The following CCDC88A variants were observed in gnomAD, a reference collection of about 807,000 sequenced individuals.
CCDC88A encodes girdin.
A neutral mutation model predicts 234.3 loss-of-function variants in CCDC88A; 54 were observed. That is an observed-to-expected ratio of 0.23 (90% CI 0.19 to 0.29). The LOEUF (loss-of-function observed/expected upper bound fraction) is 0.29, where lower values mean the gene tolerates loss of function less well. CCDC88A is among the 10% of genes least tolerant of loss of function. The pLI is 1.00. For synonymous variants in CCDC88A, 753 were observed against 737.8 expected, an observed-to-expected ratio of 1.02 and a Z score of -0.33; for missense variants, 1,832 against 2,123.4, an observed-to-expected ratio of 0.86 and a Z score of 2.70.
At chr2:55,356,106 A>G (rs1445460505) in intron 7 of CCDC88A, 7 of 158,772 alleles carry the variant, frequency 4.4e-5, no homozygotes, top group African/African-American at 1.4e-4. Context: ...TCACCTAGGT[A>G]TTAAGCCCAG....
At position 55,343,906 on chromosome 2, in the gene CCDC88A, G is replaced by A. The variant is rs1042729329; in HGVS notation, c.1189-114C>T. 3 of 896,380 alleles carry A rather than the reference G, an allele frequency of 3.3e-6. No homozygotes were observed. In the South Asian group the frequency reaches 7.2e-5, roughly 21 times the overall value. The allele number at this position is 896,380 out of a possible 1,614,324, so 55.5% of individuals were successfully genotyped here. A position where few individuals can be genotyped will look rare whatever the true frequency, so the allele number is the denominator to read the frequency against. On this transcript the variant is annotated intron_variant, in intron 11 of 32. Transcript: ENST00000436346. ...ATCAGAAACTCAGTAATAATTATGA[G>A]TTCTTTAAATTTTTCAGTTTTGAAG...
chr2:55,303,214 A>G, intron 25 of CCDC88A, 62 bp from the exon 26 acceptor site: 2 of 955,228 alleles, frequency 2.1e-6, no homozygotes, highest in Non-Finnish European at 3.3e-6. Flanking sequence ...AGGGAGAAGA[A>G]CAGATGGGAG....
intron 15 of CCDC88A, among the ~76,000 whole-genome samples, chr2:55,333,269 G>A (rs574675466): frequency 3.9e-5 from 6 of 152,252 alleles, no homozygotes; most frequent in Admixed American, 3.3e-4. Context: ...CTTTTAAATT[G>A]AACTTAAAGG....
intron 5 of CCDC88A, among the ~76,000 whole-genome samples, chr2:55,369,908 C>G (rs971454815): frequency 1.6e-4 from 25 of 152,168 alleles, no homozygotes; most frequent in African/African-American, 6.0e-4. Flanking sequence ...CTTGTCTTCT[C>G]TAAAATTCAA....
At chr2:55,339,187 G>A (rs1029266542) in intron 13 of CCDC88A, 6 of 260,430 alleles carry the variant, frequency 2.3e-5, no homozygotes, top group East Asian at 8.5e-5. Context: ...ACAAACTCCC[G>A]ACCTCAGGTT....
At chr2:55,319,694 T>A (rs1214484586) in intron 18 of CCDC88A, among the ~76,000 whole-genome samples, 1 of 152,156 alleles carries the variant, frequency 6.6e-6, no homozygotes, top group Non-Finnish European at 1.5e-5. Flanking sequence ...AGGCCATATT[T>A]CAATTTTATA....
In CCDC88A at chr2:55,328,388, G is replaced by A; in HGVS notation, c.2903C>T (p.Ser968Phe). Residue 968 changes from serine (S) to phenylalanine (F), a missense_variant, in exon 17 of 33, where the codon TCT (serine) becomes TTT (phenylalanine). Ser to Phe is a radical substitution (Grantham distance 155, BLOSUM62 -2). Transcript: ENST00000436346. This position sits in a 1 kb window ranked among gnomAD's most constrained non-coding sequence, Gnocchi z 4.3. ...ESKLESTLKK[S>F]LEIKEEKIAA... ...AATTTTTTCTTCTTTTATTTCAAGA[G>A]ACTTCTTAAGAGTGGATTCTAATTT... The A allele has an allele frequency of 6.3e-7, 1 of 1,593,554 alleles. No homozygotes were observed. The highest frequency in any genetic ancestry group is 2.3e-5 in the East Asian group (1 of 44,230).
Position 55,335,123 on chromosome 2 carries a change from T to C in CCDC88A, c.1698A>G (p.Thr566=), listed in dbSNP as rs1157691622. The C allele has an allele frequency of 2.6e-6, 4 of 1,565,342 alleles. No homozygotes were observed. Among genetic ancestry groups the C allele is most frequent in the South Asian group, 1.2e-5 (1 of 80,684 alleles). Residue 566 remains threonine, a synonymous_variant, in exon 15 of 33, where the codon ACA becomes ACG. Transcript: ENST00000436346. This position sits in a 1 kb window ranked among gnomAD's most constrained non-coding sequence, Gnocchi z 4.5. ...GGGACCGCTGCCTTAAGGAAGACAC[T>C]GTTTGATTCAGATGTTCATTTTCCT... ...LEQENEHLNQ[T]VSSLRQRSQI...
chr2:55,398,866 C>CA (rs990748243), intron 2 of CCDC88A, among the ~76,000 whole-genome samples: 2,640 of 136,886 alleles, frequency 0.019, 77 homozygotes, highest in African/African-American at 0.066. Context: ...CCCTGCCTAA[C>CA]AAAAAAAAAA....
rs1294857464 is a variant in CCDC88A at position 55,334,849 on chromosome 2, T to C, written c.1972A>G (p.Ile658Val). Residue 658 changes from isoleucine to valine, a missense_variant, in exon 15 of 33, where the codon ATT becomes GTT. By Grantham distance (29) the Ile-to-Val change is conservative. Coordinates refer to ENST00000436346, the MANE Select transcript of CCDC88A (RefSeq NM_001365480.1). The surrounding 1 kb of genome is among the most constrained non-coding windows in gnomAD (Gnocchi z 6.1). ...ITNLKITCEK[I>V]EALEQENSEL... ...GAATTTTCTTGTTCTAAGGCCTCAA[T>C]TTTTTCACAAGTAATTTTTAAATTA... 1 of 1,538,016 alleles carries C rather than the reference T, an allele frequency of 6.5e-7. No individual in the cohort carries two copies. The highest frequency in any genetic ancestry group is 2.3e-5 in the East Asian group (1 of 43,906).
intron 5 of CCDC88A, among the ~76,000 whole-genome samples, chr2:55,370,762 C>A (rs1459070728): frequency 6.7e-6 from 1 of 149,234 alleles, no homozygotes; most frequent in South Asian, 2.1e-4. Flanking sequence ...AATCCCAGTA[C>A]TTTGGGAGGC....
At chr2:55,294,599 C>A (rs1253992080) in intron 31 of CCDC88A, 1 of 984,254 alleles carries the variant, frequency 1.0e-6, no homozygotes, top group Non-Finnish European at 1.2e-6. Context: ...ATATAAAGTA[C>A]ACATTCTGGA....
intron 8 of CCDC88A, chr2:55,349,961 C>T (rs540152387): frequency 6.3e-6 from 1 of 159,714 alleles, no homozygotes; most frequent in South Asian, 1.9e-4. Context: ...CGGAGTCTGG[C>T]TCTGTCACCC....
intron 5 of CCDC88A, among the ~76,000 whole-genome samples, chr2:55,368,870 T>C (rs2104808685): frequency 6.6e-6 from 1 of 152,362 alleles, no homozygotes; most frequent in Non-Finnish European, 1.5e-5. Flanking sequence ...ACAATACTTG[T>C]TGGCTGATTG....
At chr2:55,347,989 G>A (rs1447778431) in intron 9 of CCDC88A, among the ~76,000 whole-genome samples, 1 of 151,590 alleles carries the variant, frequency 6.6e-6, no homozygotes, top group African/African-American at 2.4e-5. Context: ...CTTTGAGACA[G>A]GGTCTCACTC....
intron 2 of CCDC88A, among the ~76,000 whole-genome samples, chr2:55,408,011 C>T (rs1474549210): frequency 2.0e-5 from 3 of 151,976 alleles, no homozygotes; most frequent in African/African-American, 4.8e-5. Context: ...AGCCACCGCG[C>T]CTGGCCCTTT....
intron 2 of CCDC88A, among the ~76,000 whole-genome samples, chr2:55,393,510 T>C (rs896619874): frequency 6.6e-6 from 1 of 151,968 alleles, no homozygotes; most frequent in Admixed American, 6.6e-5. Context: ...GCCAGAATGA[T>C]CTCAGCCTCT....
At chr2:55,395,220 C>T (rs555753300) in intron 2 of CCDC88A, among the ~76,000 whole-genome samples, 1 of 152,180 alleles carries the variant, frequency 6.6e-6, no homozygotes, top group Non-Finnish European at 1.5e-5. Flanking sequence ...TCAAGTGATC[C>T]TCCTGCCTCA....
At chr2:55,311,571 A>T (rs1297049670) in intron 23 of CCDC88A, among the ~76,000 whole-genome samples, 1 of 152,216 alleles carries the variant, frequency 6.6e-6, no homozygotes, top group African/African-American at 2.4e-5. Flanking sequence ...AGAAATGACT[A>T]GTCTGTGGTC....
Sources: gnomAD v4.1 joint callset for allele counts (sites outside exome capture counted in the v4.1 genomes callset) on GRCh38, gnomAD v4.1.1 for gene constraint, Gnocchi (gnomAD v3.1) non-coding constraint, MANE v1.5 for transcripts, NCBI Gene and HGNC (gene_info 2026-07-23, HGNC 2026-07-21) for gene names.